Variants in USP24 observed in about 807,000 individuals in gnomAD.
The protein encoded by USP24 is ubiquitin specific peptidase 24.
USP24 carries 97 observed loss-of-function variants against 361.6 expected under a neutral mutation model. The ratio of observed to expected loss-of-function variants is 0.27; its 90% confidence interval spans 0.23 to 0.32. The LOEUF is 0.32. USP24 is among the 10% of genes least tolerant of loss of function. The pLI is 1.00. For synonymous variants in USP24, 1,098 were observed against 1,124.6 expected (o/e 0.98, Z 0.47); for missense variants, 2,353 against 3,165.6 (o/e 0.74, Z 6.16).
chr1:55,206,350 G>A (rs571081294), intron 1 of USP24, among the ~76,000 whole-genome samples: 2 of 152,292 alleles, frequency 1.3e-5, no homozygotes, highest in South Asian at 2.1e-4. Flanking sequence ...TAAGACAAGT[G>A]TTCCGTACAG....
chr1:55,138,712 A>T lies in USP24; in HGVS notation c.2824T>A (p.Tyr942Asn). 1 of 1,609,694 alleles carries T rather than the reference A, an allele frequency of 6.2e-7. No individual in the cohort carries two copies. Among genetic ancestry groups the T allele is most frequent in the Non-Finnish European group, 8.5e-7 (1 of 1,177,348 alleles). ...GGTAGAATAGTTCGTGGAACAGAGT[A>T]AAAATCCTTAAAAAACGAATAAGTC... The part of the protein sequence containing the change: ...ERYVITIEDF[Y>N]SVPRTILPHG... The change falls in exon 26 of 68, where the codon TAC becomes AAC. Residue 942 changes from tyrosine (Y) to asparagine (N), a missense_variant. By Grantham distance (143) the Tyr-to-Asn change is moderately radical (BLOSUM62 -2). Around this residue, in one of 8 missense-constraint regions of USP24, gnomAD observed 949 missense variants for 1,280.5 expected, o/e 0.74. Transcript: ENST00000294383.
At chr1:55,123,891 A>G (rs1646352070) in intron 35 of USP24, among the ~76,000 whole-genome samples, 1 of 152,250 alleles carries the variant, frequency 6.6e-6, no homozygotes, top group South Asian at 2.1e-4. Context: ...TCCAGAGGAT[A>G]TCGGAAATGT....
At chr1:55,092,777 ATTGTAACCCTT>A in intron 53 of USP24, 33 bp downstream of exon 53, 4 of 1,367,292 alleles carry the variant, frequency 2.9e-6, no homozygotes, top group Non-Finnish European at 4.1e-6. Context: ...AGCATATTTA[ATTGTAACCCTT>A]TCTTATTTCT....
chr1:55,122,865 G>A (rs1360899520), intron 36 of USP24, among the ~76,000 whole-genome samples: 1 of 152,132 alleles, frequency 6.6e-6, no homozygotes. Context: ...ATATCCAACT[G>A]GAGACATCAG....
At chr1:55,135,216 C>T (rs536612295) in intron 28 of USP24, among the ~76,000 whole-genome samples, 175 of 152,142 alleles carry the variant, frequency 1.2e-3, no homozygotes, top group Non-Finnish European at 2.1e-3. Context: ...AACTCCTGGC[C>T]TCCAACAATC....
intron 37 of USP24, 128 bp downstream of exon 37, chr1:55,121,308 C>T: frequency 1.4e-6 from 1 of 716,336 alleles, no homozygotes; most frequent in Non-Finnish European, 2.2e-6. Context: ...TGGTCTGCAG[C>T]CCCTTCGTAC....
rs2100401880 is a variant in USP24 at position 55,075,482 on chromosome 1, C to G, written c.7422G>C (p.Val2474=). ...DPIQVERVKF[V]FETENGLLAL... ...CTAGTAATCCATTTTCTGTCTCAAA[C>G]ACAAATTTGACTCGCTCTACTTGTA... Residue 2474 remains valine (V), a synonymous_variant, in exon 63 of 68, where the codon GTG becomes GTC. Coordinates refer to ENST00000294383, the MANE Select transcript of USP24 (RefSeq NM_015306.3). 1.2e-6 allele frequency: 2 copies of G among 1,604,670 alleles called. No individual in the cohort carries two copies. The highest frequency in any genetic ancestry group is 4.5e-5 in the East Asian group (2 of 44,692).
At chr1:55,110,704 G>C (rs796516396) in intron 38 of USP24, among the ~76,000 whole-genome samples, 2 of 152,112 alleles carry the variant, frequency 1.3e-5, no homozygotes, top group African/African-American at 4.8e-5. Flanking sequence ...AAGAGAAAGA[G>C]ACAGGGAAAC....
chr1:55,120,789 C>T (rs1646257795), intron 37 of USP24, 33 bp from the exon 38 acceptor site: 2 of 1,526,288 alleles, frequency 1.3e-6, no homozygotes, highest in Non-Finnish European at 8.8e-7. Flanking sequence ...AAAGGACAGA[C>T]ATGAATCAAC....
rs1649987971 is a variant in USP24, at chr1:55,176,441, G to C, written c.493C>G (p.Leu165Val). Residue 165 changes from leucine (L) to valine (V), a missense_variant and splice_region_variant, in exon 3 of 68, where the codon CTT becomes GTT. Physicochemically the swap from Leu to Val is conservative, Grantham distance 32. This residue lies in a region of USP24 where 253 missense variants were observed against 255.3 expected (regional missense o/e 0.99). Transcript: ENST00000294383. ...CTACAATTCTCATCAGACTCGGAAA[G>C]ACCTTAGTAAAATGCATGAAATAAT... ...LASTYLARLGLSESDENCRRF... is the reference protein window; with the variant it reads ...LASTYLARLGVSESDENCRRF... 6.4e-7 allele frequency: 1 copy of C among 1,566,930 alleles called. No individual in the cohort carries two copies.
intron 62 of USP24, among the ~76,000 whole-genome samples, chr1:55,076,243 A>G (rs927270537): frequency 6.6e-6 from 1 of 152,216 alleles, no homozygotes; most frequent in Non-Finnish European, 1.5e-5. Flanking sequence ...TCTAGTTCTT[A>G]GTACTGAACT....
intron 35 of USP24, among the ~76,000 whole-genome samples, chr1:55,124,184 T>C (rs755979031): frequency 1.3e-5 from 2 of 152,184 alleles, no homozygotes; most frequent in African/African-American, 4.8e-5. Context: ...GCCACAATGA[T>C]TGGTTTCATG....
intron 55 of USP24, among the ~76,000 whole-genome samples, chr1:55,089,132 T>C (rs566294606): frequency 6.6e-6 from 1 of 152,260 alleles, no homozygotes; most frequent in African/African-American, 2.4e-5. Context: ...GGTCTTGATC[T>C]CTTGACCTCA....
chr1:55,103,297 A>G (rs1449028914), intron 42 of USP24, among the ~76,000 whole-genome samples: 1 of 152,178 alleles, frequency 6.6e-6, no homozygotes, highest in Non-Finnish European at 1.5e-5. Flanking sequence ...AGATACCAAC[A>G]GCTGGTGGTG....
chr1:55,141,730 G>C lies in USP24; in HGVS notation c.2636C>G (p.Ala879Gly). The change falls in exon 24 of 68, where the codon GCA (alanine) becomes GGA (glycine). Residue 879 changes from alanine to glycine, a missense_variant and splice_region_variant. Ala to Gly is a moderately conservative substitution (Grantham distance 60, BLOSUM62 0). Coordinates refer to ENST00000294383, the MANE Select transcript of USP24 (RefSeq NM_015306.3). ...FIADCYTRLE[A>G]ASSALGGPTL... ...GGGGCCACCAAGTGCTGAACTGGCT[G>C]CCTAAAAAATACCAAACAGTCATTC... The C allele has an allele frequency of 6.2e-7, 1 of 1,600,452 alleles. No individual in the cohort carries two copies. Among genetic ancestry groups the C allele is most frequent in the Non-Finnish European group, 8.5e-7 (1 of 1,172,800 alleles).
intron 37 of USP24, 124 bp downstream of exon 37, chr1:55,121,312 T>C: frequency 3.8e-6 from 3 of 790,340 alleles, no homozygotes; most frequent in Non-Finnish European, 6.0e-6. Flanking sequence ...CTGCAGCCCC[T>C]TCGTACACTC....
intron 1 of USP24, among the ~76,000 whole-genome samples, chr1:55,187,332 T>C (rs1311429849): frequency 6.6e-6 from 1 of 152,174 alleles, no homozygotes; most frequent in Non-Finnish European, 1.5e-5. Flanking sequence ...ACACCTACAG[T>C]GAACATCATA....
chr1:55,090,614 G>A (rs1371130135), intron 54 of USP24, among the ~76,000 whole-genome samples: 1 of 152,114 alleles, frequency 6.6e-6, no homozygotes, highest in Non-Finnish European at 1.5e-5. Context: ...GAAAAGACTG[G>A]GAACTTAAGT....
chr1:55,121,397 G>A (rs1027723340), intron 37 of USP24, 39 bp downstream of exon 37: 5 of 1,576,534 alleles, frequency 3.2e-6, no homozygotes, highest in Non-Finnish European at 4.3e-6. Flanking sequence ...AAAACAACAG[G>A]ACCAAAGGAG....
Sources: allele counts gnomAD v4.1 joint callset (sites outside exome capture counted in the v4.1 genomes callset), GRCh38; gene constraint gnomAD v4.1.1; regional missense constraint gnomAD v4.1.1; transcripts MANE v1.5; gene names NCBI Gene and HGNC (gene_info 2026-07-23, HGNC 2026-07-21).